The following SERPINA11 variants were observed in gnomAD, a reference collection of about 807,000 sequenced individuals.
SERPINA11 encodes the protein serpin A11.
A neutral mutation model predicts 29.4 loss-of-function variants in SERPINA11; 28 were observed. The ratio of observed to expected loss-of-function variants is 0.95; its 90% CI spans 0.70 to 1.30. The LOEUF (loss-of-function observed/expected upper bound fraction) is 1.30, where lower values mean the gene tolerates loss of function less well. SERPINA11 is among the 50% of genes most tolerant of loss of function. SERPINA11 has a pLI of 0.00. For missense variants in SERPINA11, 530 were observed against 507.3 expected (o/e 1.04, Z -0.43); for synonymous variants, 253 against 206.6 (o/e 1.22, Z -1.92).
chr14:94,449,687 T>C (rs1325270554), intron 1 of SERPINA11, among the ~76,000 whole-genome samples: 1 of 151,744 alleles, frequency 6.6e-6, no homozygotes, highest in African/African-American at 2.4e-5. Flanking sequence ...GGTAGCTAGG[T>C]CCTCAGTATT....
intron 3 of SERPINA11, 125 bp downstream of exon 3, chr14:94,446,205 AG>A (rs1898434233): frequency 1.1e-6 from 1 of 922,938 alleles, no homozygotes; most frequent in Non-Finnish European, 1.7e-6. Context: ...AAGATCACAC[AG>A]TTAGTAAAGG....
At position 94,448,352 on chromosome 14, in the gene SERPINA11, C is replaced by A; in HGVS notation, c.423G>T (p.Leu141=). 1 of 1,614,200 alleles carries A rather than the reference C, an allele frequency of 6.2e-7. No individual in the cohort carries two copies. The highest frequency in any genetic ancestry group is 8.5e-7 in the Non-Finnish European group (1 of 1,180,034). ...GAGGCTTTAGTCGCTTGTCTAGGAA[C>A]AGGGAGTTTCCTACTTTTAGTTCGA... ...PKLELKVGNS[L]FLDKRLKPRQ... Residue 141 remains leucine (L), a synonymous_variant, in exon 2 of 5, where the codon CTG becomes CTT. Coordinates refer to ENST00000334708, the MANE Select transcript of SERPINA11 (RefSeq NM_001080451.2).
At chr14:94,450,094 A>G (rs1203210735) in intron 1 of SERPINA11, among the ~76,000 whole-genome samples, 1 of 151,720 alleles carries the variant, frequency 6.6e-6, no homozygotes, top group Non-Finnish European at 1.5e-5. Context: ...AGAGAGAGCA[A>G]CTCTGTCTCC....
At chr14:94,445,236 T>C (rs942402957) in intron 3 of SERPINA11, among the ~76,000 whole-genome samples, 1 of 152,162 alleles carries the variant, frequency 6.6e-6, no homozygotes, top group Non-Finnish European at 1.5e-5. Context: ...AGTTAACCCA[T>C]AGAACCAAGG....
intron 3 of SERPINA11, among the ~76,000 whole-genome samples, chr14:94,445,605 G>T (rs1479173987): frequency 6.6e-6 from 1 of 152,122 alleles, no homozygotes; most frequent in African/African-American, 2.4e-5. Flanking sequence ...ATCTAGCTTT[G>T]TTGCCCAGAC....
intron 2 of SERPINA11, 79 bp downstream of exon 2, chr14:94,448,053 A>T: frequency 7.3e-7 from 1 of 1,376,872 alleles, no homozygotes; most frequent in South Asian, 1.3e-5. Flanking sequence ...GTTAGCAAAG[A>T]ACCTATTAGC....
At chr14:94,444,703 A>C (rs1018175002) in intron 3 of SERPINA11, among the ~76,000 whole-genome samples, 1 of 152,196 alleles carries the variant, frequency 6.6e-6, no homozygotes, top group African/African-American at 2.4e-5. Flanking sequence ...CTGCCCAAAC[A>C]CAAAATGCCT....
intron 3 of SERPINA11, 22 bp from the exon 4 acceptor site, chr14:94,443,247 G>C: frequency 6.2e-7 from 1 of 1,605,972 alleles, no homozygotes; most frequent in Non-Finnish European, 8.5e-7. Flanking sequence ...AACAGACAGA[G>C]AAATGGTGCT....
chr14:94,448,003 G>C (rs11620887), intron 2 of SERPINA11, 129 bp downstream of exon 2: 90,842 of 880,654 alleles, frequency 0.1, 5,434 homozygotes, highest in Middle Eastern at 0.16. Flanking sequence ...GCTACGCAAG[G>C]GTGGGAAAGC....
chr14:94,445,625 G>T (rs570098593), intron 3 of SERPINA11, among the ~76,000 whole-genome samples: 1 of 152,298 alleles, frequency 6.6e-6, no homozygotes, highest in African/African-American at 2.4e-5. Context: ...CTGGAGTGCA[G>T]TGGCACAATC....
At chr14:94,449,488 TCTG>T (rs776509045) in intron 1 of SERPINA11, among the ~76,000 whole-genome samples, 4,114 of 119,296 alleles carry the variant, frequency 0.034, 164 homozygotes, top group Admixed American at 0.049. Context: ...TTTCTGTCTG[TCTG>T]TCTTTCTTTC....
chr14:94,443,133 T>A lies in SERPINA11; in HGVS notation c.1010A>T (p.Asn337Ile). ...GACTCCTGAGAAGTCAGCTTCTAAG[T>A]TGAGTATGTTGGTGAGACCAATTTG... ...LPQIGLTNILNLEADFSGVTG... is the reference protein window; with the variant it reads ...LPQIGLTNILILEADFSGVTG... The change falls in exon 4 of 5, where the codon AAC becomes ATC. Residue 337 changes from asparagine to isoleucine, a missense_variant. Physicochemically the swap from Asn to Ile is moderately radical, Grantham distance 149. Transcript: ENST00000334708. 1.2e-6 allele frequency: 2 copies of A among 1,614,018 alleles called. No individual in the cohort carries two copies. The highest frequency in any genetic ancestry group is 1.7e-6 in the Non-Finnish European group (2 of 1,179,954).
chr14:94,452,654 CAGAG>C (rs138192686), intron 1 of SERPINA11, 71 bp downstream of exon 1: 97 of 142,884 alleles, frequency 6.8e-4, no homozygotes, highest in African/African-American at 2.4e-3. Flanking sequence ...CACACAGAGA[CAGAG>C]AGAGAGAGAG....
In SERPINA11 at chr14:94,443,101, G is replaced by T. The variant is rs1461557964; in HGVS notation, c.1042C>A (p.Gln348Lys). The T allele has an allele frequency of 1.2e-6, 2 of 1,613,186 alleles. No homozygotes were observed. The highest frequency in any genetic ancestry group is 2.7e-5 in the African/African-American group (2 of 74,878). The change falls in exon 4 of 5, where the codon CAG becomes AAG. Residue 348 changes from glutamine to lysine, a missense_variant. Transcript: ENST00000334708. ...ACCTTGGAGATGGTTTTGTTGAGCTGCCCAGTGACTCCTGAGAAGTCAGCT... is the reference window on the plus strand; with the variant it reads ...ACCTTGGAGATGGTTTTGTTGAGCTTCCCAGTGACTCCTGAGAAGTCAGCT... ...LEADFSGVTG[Q>K]LNKTISKVSH...
intron 1 of SERPINA11, among the ~76,000 whole-genome samples, chr14:94,449,213 T>C (rs906797113): frequency 2.6e-5 from 4 of 152,036 alleles, no homozygotes; most frequent in East Asian, 3.9e-4. Context: ...TAGCTGGGTG[T>C]GGTGGCATGT....
intron 3 of SERPINA11, among the ~76,000 whole-genome samples, chr14:94,445,547 C>A (rs1346468654): frequency 6.6e-6 from 1 of 152,056 alleles, no homozygotes; most frequent in Non-Finnish European, 1.5e-5. Context: ...AAAATAGAAG[C>A]ACCCTTTAAC....
In SERPINA11 at chr14:94,442,542, G is replaced by T; in HGVS notation, c.*64C>A. On this transcript the variant is annotated 3_prime_UTR_variant, in exon 5 of 5. Transcript: ENST00000334708. ...ACCACATAGCAGCCCCAGGATGCAG[G>T]CTGGTTCTGGCCTATCTGTTTGGTC... 8.3e-7 allele frequency: 1 copy of T among 1,198,068 alleles called. No individual in the cohort carries two copies. The highest frequency in any genetic ancestry group is 1.2e-6 in the Non-Finnish European group (1 of 842,216). 74.2% of individuals were successfully genotyped at this position (1,198,068 alleles called of 1,614,324 possible).
In SERPINA11 at chr14:94,448,487, T is replaced by A; in HGVS notation, c.288A>T (p.Ser96=). The change falls in exon 2 of 5, where the codon TCA becomes TCT. Residue 96 remains serine, a synonymous_variant. Coordinates refer to ENST00000334708, the MANE Select transcript of SERPINA11 (RefSeq NM_001080451.2). ...ATCCCAGGCCCTCCAGGATCAGAGC[T>A]GAGGTGTTAGCTTGGGCCCCAAGAG... ...LLSLGAQANT[S]ALILEGLGFN... is the part of the protein sequence containing the mutation. The A allele has an allele frequency of 6.2e-7, 1 of 1,614,168 alleles. No individual in the cohort carries two copies. Among genetic ancestry groups the A allele is most frequent in the Non-Finnish European group, 8.5e-7 (1 of 1,180,024 alleles).
chr14:94,446,560 C>G lies in SERPINA11; in HGVS notation c.688G>C (p.Glu230Gln). The G allele has an allele frequency of 6.2e-7, 1 of 1,614,176 alleles. No homozygotes were observed. The highest frequency in any genetic ancestry group is 8.5e-7 in the Non-Finnish European group (1 of 1,180,010). ...PFSRYQTQKQ[E>Q]SFFVDERTSL... Reference sequence around the variant, plus strand: ...GTCCTCTCATCCACAAAGAAACTTTCCTGCTTCTGGGTCTGGTAGCGACTG... The same window carrying G: ...GTCCTCTCATCCACAAAGAAACTTTGCTGCTTCTGGGTCTGGTAGCGACTG... Residue 230 changes from glutamate (E) to glutamine (Q), a missense_variant, in exon 3 of 5, where the codon GAA becomes CAA. By Grantham distance (29) the Glu-to-Gln change is conservative. Transcript: ENST00000334708.
Sources: allele counts gnomAD v4.1 joint callset (sites outside exome capture counted in the v4.1 genomes callset), GRCh38; gene constraint gnomAD v4.1.1; transcripts MANE v1.5; gene names NCBI Gene and HGNC (gene_info 2026-07-23, HGNC 2026-07-21).